COL26A1: variants seen among roughly 807,000 people sequenced by gnomAD.
COL26A1 encodes the protein collagen type XXVI alpha 1 chain, also known as collagen alpha-1(XXVI) chain.
In COL26A1, 41 loss-of-function variants were observed where a neutral mutation model predicts 59.3. The ratio of observed to expected loss-of-function variants is 0.69; its 90% CI spans 0.54 to 0.90. COL26A1 has a LOEUF of 0.90. Among genes scored for constraint, COL26A1 ranks in the 40% least tolerant of loss-of-function variants. The probability of loss-of-function intolerance (pLI) is 0.00; values close to 1 mark genes in which losing one functional copy is unlikely to be tolerated. For synonymous variants in COL26A1, 266 were observed against 256.0 expected, an observed-to-expected ratio of 1.04 and a Z score of -0.37; for missense variants, 612 against 602.3, an observed-to-expected ratio of 1.02 and a Z score of -0.17.
At chr7:101,472,787 C>T (rs1584438588) in intron 3 of COL26A1, among the ~76,000 whole-genome samples, 1 of 124,744 alleles carries the variant, frequency 8.0e-6, no homozygotes, top group Non-Finnish European at 1.7e-5. Flanking sequence ...CTCACTCCTT[C>T]CAGTCGAAGT....
At chr7:101,463,028 A>G (rs942644698) in intron 3 of COL26A1, among the ~76,000 whole-genome samples, 14 of 152,348 alleles carry the variant, frequency 9.2e-5, no homozygotes, top group African/African-American at 2.9e-4. Context: ...AGGACAGGCC[A>G]TGATTGACAA....
intron 12 of COL26A1, 91 bp from the exon 13 acceptor site, chr7:101,557,279 G>T: frequency 7.5e-7 from 1 of 1,339,578 alleles, no homozygotes; most frequent in Non-Finnish European, 1.0e-6. Flanking sequence ...CTGGGCAAGA[G>T]CATCTCTCCG....
intron 3 of COL26A1, among the ~76,000 whole-genome samples, chr7:101,517,097 C>G (rs1303197208): frequency 6.6e-6 from 1 of 152,124 alleles, no homozygotes; most frequent in South Asian, 2.1e-4. Flanking sequence ...TCACTTGCCC[C>G]GTGATTCTTC....
At chr7:101,445,296 T>A (rs933328573) in intron 2 of COL26A1, among the ~76,000 whole-genome samples, 5 of 152,136 alleles carry the variant, frequency 3.3e-5, no homozygotes, top group African/African-American at 4.8e-5. Flanking sequence ...TATAAAGAAA[T>A]ACCGGAGACT....
At chr7:101,448,497 TC>T (rs1011778605) in intron 3 of COL26A1, among the ~76,000 whole-genome samples, 1 of 151,350 alleles carries the variant, frequency 6.6e-6, no homozygotes, top group Non-Finnish European at 1.5e-5. Flanking sequence ...TTCTTCTTTT[TC>T]TTTTTTTTTT....
At chr7:101,557,053 G>T (rs569748138) in intron 12 of COL26A1, among the ~76,000 whole-genome samples, 3 of 150,262 alleles carry the variant, frequency 2.0e-5, no homozygotes, top group Admixed American at 2.0e-4. Context: ...GGACGGGCAG[G>T]TAAATGAGTG....
At chr7:101,480,833 G>T (rs894186390) in intron 3 of COL26A1, among the ~76,000 whole-genome samples, 1 of 152,048 alleles carries the variant, frequency 6.6e-6, no homozygotes, top group African/African-American at 2.4e-5. Flanking sequence ...CTCTCTCATT[G>T]TTGCTTGTTT....
At chr7:101,382,680 C>T (rs1486737772) in intron 1 of COL26A1, among the ~76,000 whole-genome samples, 1 of 151,954 alleles carries the variant, frequency 6.6e-6, no homozygotes, top group African/African-American at 2.4e-5. Context: ...ATTTTAAAAT[C>T]ATCTTTTCTA....
At chr7:101,489,830 CTTTCTTTCTTT>C (rs1794397194) in intron 3 of COL26A1, among the ~76,000 whole-genome samples, 10 of 11,572 alleles carry the variant, frequency 8.6e-4, no homozygotes, top group Admixed American at 2.0e-3. Context: ...TTCTTTCTTT[CTTTCTTTCTTT>C]CTTTCTTTCT....
chr7:101,382,340 C>T (rs1791468183), intron 1 of COL26A1, among the ~76,000 whole-genome samples: 1 of 152,194 alleles, frequency 6.6e-6, no homozygotes, highest in African/African-American at 2.4e-5. Context: ...GCCATCGTAC[C>T]TGGCTCTGTT....
Position 101,527,735 on chromosome 7 carries a change from C to T in COL26A1, c.386-5347C>T, listed in dbSNP as rs560650493. 3.9e-5 allele frequency among the ~76,000 whole-genome samples: 6 copies of T among 152,110 alleles called. No homozygotes were observed. In the South Asian group the frequency reaches 1.2e-3, roughly 32 times the overall value. The stretch of plus-strand genomic sequence containing the variant: ...TACACCTATTGGCAAAGGTTTACCC[C>T]GCTGGTTTCTGTGTGGGTCCTAGAC... On this transcript the variant is annotated intron_variant, in intron 3 of 12. Coordinates refer to ENST00000313669, the MANE Select transcript of COL26A1 (RefSeq NM_001278563.3).
chr7:101,462,288 G>C (rs780720063), intron 3 of COL26A1, among the ~76,000 whole-genome samples: 11 of 151,672 alleles, frequency 7.3e-5, no homozygotes, highest in Non-Finnish European at 1.5e-4. Context: ...TTGAGCCACC[G>C]CACCCAGCCT....
chr7:101,541,076 C>T (rs922419446), intron 5 of COL26A1, among the ~76,000 whole-genome samples: 1 of 152,210 alleles, frequency 6.6e-6, no homozygotes, highest in Admixed American at 6.5e-5. Context: ...AGGTCCAGTC[C>T]AGGCTGTGCA....
intron 5 of COL26A1, among the ~76,000 whole-genome samples, 153 bp downstream of exon 5, chr7:101,540,202 G>C (rs1306926216): frequency 6.6e-6 from 1 of 152,192 alleles, no homozygotes; most frequent in East Asian, 1.9e-4. Context: ...GTTGAAAATG[G>C]GTATTTCACC....
intron 3 of COL26A1, among the ~76,000 whole-genome samples, chr7:101,526,396 G>T (rs1028752199): frequency 1.1e-4 from 16 of 152,148 alleles, no homozygotes; most frequent in African/African-American, 3.9e-4. Flanking sequence ...CCTGGTTGGG[G>T]TGGCCTGCTG....
At chr7:101,554,579 A>AG (rs1795927148) in intron 11 of COL26A1, among the ~76,000 whole-genome samples, 1 of 151,074 alleles carries the variant, frequency 6.6e-6, no homozygotes, top group African/African-American at 2.4e-5. Context: ...AAAAAAAAAA[A>AG]AAAAAAAAAA....
At chr7:101,440,683 T>C (rs1793035010) in intron 2 of COL26A1, among the ~76,000 whole-genome samples, 1 of 151,800 alleles carries the variant, frequency 6.6e-6, no homozygotes, top group Admixed American at 6.6e-5. Flanking sequence ...AGAAAGACTG[T>C]GGCCAGGAGC....
intron 3 of COL26A1, among the ~76,000 whole-genome samples, chr7:101,463,820 C>T (rs1388016832): frequency 2.0e-5 from 2 of 101,900 alleles, no homozygotes; most frequent in African/African-American, 8.1e-5. Flanking sequence ...TTCCCTCCCT[C>T]CCTTCCTTCC....
intron 1 of COL26A1, 123 bp from the exon 2 acceptor site, chr7:101,419,854 C>T: frequency 2.0e-6 from 2 of 983,246 alleles, no homozygotes; most frequent in South Asian, 3.1e-5. Flanking sequence ...GGCCCCCCAT[C>T]CAAGAGAGCG....
Sources: gnomAD v4.1 joint callset for allele counts (sites outside exome capture counted in the v4.1 genomes callset) on GRCh38, gnomAD v4.1.1 for gene constraint, MANE v1.5 for transcripts, NCBI Gene and HGNC (gene_info 2026-07-23, HGNC 2026-07-21) for gene names.